POLR3B: variants seen among roughly 807,000 people sequenced by gnomAD.
POLR3B encodes the protein RNA polymerase III subunit B.
POLR3B carries 96 observed loss-of-function variants against 147.4 expected under a neutral mutation model. The ratio of observed to expected loss-of-function variants is 0.65; its 90% CI spans 0.55 to 0.77. The LOEUF is 0.77. Among genes scored for constraint, POLR3B ranks in the 30% least tolerant of loss-of-function variants. The pLI, the probability that POLR3B is intolerant of heterozygous loss-of-function variation, is 0.00. For synonymous variants in POLR3B, 461 were observed against 485.9 expected, an observed-to-expected ratio of 0.95 and a Z score of 0.67; for missense variants, 1,036 against 1,413.5, an observed-to-expected ratio of 0.73 and a Z score of 4.28.
At chr12:106,416,587 G>A (rs2037306802) in intron 12 of POLR3B, among the ~76,000 whole-genome samples, 1 of 152,146 alleles carries the variant, frequency 6.6e-6, no homozygotes, top group South Asian at 2.1e-4. Flanking sequence ...TTCAGATGTA[G>A]GTTTCAAAGT....
chr12:106,449,072 G>T (rs2037763333), intron 19 of POLR3B, among the ~76,000 whole-genome samples: 1 of 151,970 alleles, frequency 6.6e-6, no homozygotes, highest in Non-Finnish European at 1.5e-5. Context: ...TTCAGATTTT[G>T]GATTTTTTTG....
intron 9 of POLR3B, among the ~76,000 whole-genome samples, chr12:106,387,948 A>G (rs534562922): frequency 6.6e-6 from 1 of 152,320 alleles, no homozygotes; most frequent in African/African-American, 2.4e-5. Flanking sequence ...TGGGGATACC[A>G]GAAAAGACAC....
chr12:106,474,779 G>A (rs1385481483), intron 23 of POLR3B, among the ~76,000 whole-genome samples: 1 of 150,678 alleles, frequency 6.6e-6, no homozygotes, highest in Non-Finnish European at 1.5e-5. Context: ...AGTCTTGCTA[G>A]CGGTCTATCA....
intron 6 of POLR3B, among the ~76,000 whole-genome samples, chr12:106,370,631 G>GTTTTTTTTTTTTTTTTT (rs1208633414): frequency 7.9e-6 from 1 of 126,556 alleles, no homozygotes; most frequent in Non-Finnish European, 1.7e-5. Context: ...TTGTTTTATT[G>GTTTTTTTTTTTTTTTTT]TTTTTTTTTT....
chr12:106,363,882 C>G lies in POLR3B; in HGVS notation c.85C>G (p.Leu29Val), dbSNP rs779537305. Residue 29 changes from leucine (L) to valine (V), a missense_variant, in exon 2 of 28, where the codon CTG becomes GTG. Leu to Val is a conservative substitution (Grantham distance 32). Around this residue, in one of 12 missense-constraint regions of POLR3B, gnomAD observed 150 missense variants for 145.5 expected, o/e 1.03. Coordinates refer to ENST00000228347, the MANE Select transcript of POLR3B (RefSeq NM_018082.6). ...PIPTVEEKWR[L>V]LPAFLKVKGL... ...TTTTGGCTCACAGGAAAAATGGAGG[C>G]TGCTTCCAGCATTTTTAAAGGTAAT... The G allele has an allele frequency of 6.2e-7, 1 of 1,608,086 alleles. No homozygotes were observed. The highest frequency in any genetic ancestry group is 8.5e-7 in the Non-Finnish European group (1 of 1,175,032).
intron 8 of POLR3B, among the ~76,000 whole-genome samples, chr12:106,379,319 C>A (rs1461565756): frequency 6.6e-6 from 1 of 152,182 alleles, no homozygotes; most frequent in East Asian, 1.9e-4. Flanking sequence ...AATCCTAAAG[C>A]TTTGTTTTCT....
At chr12:106,404,421 C>T (rs1207689423) in intron 10 of POLR3B, among the ~76,000 whole-genome samples, 1 of 152,108 alleles carries the variant, frequency 6.6e-6, no homozygotes, top group Admixed American at 6.6e-5. Context: ...GCTTCATGTC[C>T]TCATAATATC....
At chr12:106,455,183 C>T (rs1038917369) in intron 20 of POLR3B, among the ~76,000 whole-genome samples, 5 of 152,192 alleles carry the variant, frequency 3.3e-5, no homozygotes, top group African/African-American at 7.2e-5. Context: ...TAAAAATACA[C>T]GGCCACAAAC....
rs758195793 is a variant in POLR3B at position 106,405,984 on chromosome 12, A to G, written c.966+8A>G. On this transcript the variant is annotated splice_region_variant and intron_variant, in intron 11 of 27. Coordinates refer to ENST00000228347, the MANE Select transcript of POLR3B (RefSeq NM_018082.6). Reference sequence around the variant, plus strand: ...ATTCTGACCCATGTCCCAGTGAGTAACACTTCGTTATTGTGAATAAGGACT... The same window carrying G: ...ATTCTGACCCATGTCCCAGTGAGTAGCACTTCGTTATTGTGAATAAGGACT... 5 of 1,613,552 alleles carry G rather than the reference A, an allele frequency of 3.1e-6. No homozygotes were observed. The East Asian group carries it at 1.1e-4, about 36-fold the overall frequency.
chr12:106,478,374 A>G (rs2038212751), intron 23 of POLR3B, among the ~76,000 whole-genome samples: 1 of 152,190 alleles, frequency 6.6e-6, no homozygotes, highest in Non-Finnish European at 1.5e-5. Context: ...ATTTGCAGTG[A>G]TCTGAAACAG....
At chr12:106,484,927 T>C (rs1202755459) in intron 23 of POLR3B, among the ~76,000 whole-genome samples, 2 of 152,074 alleles carry the variant, frequency 1.3e-5, no homozygotes, top group East Asian at 3.9e-4. Context: ...AGTATGAGAC[T>C]TGGGGAGTGA....
chr12:106,483,531 T>C lies in POLR3B; in HGVS notation c.2714-12524T>C, dbSNP rs960191124. 5.9e-5 allele frequency among the ~76,000 whole-genome samples: 9 copies of C among 152,180 alleles called. No individual in the cohort carries two copies. In the South Asian group the frequency reaches 6.2e-4, roughly 10 times the overall value. On this transcript the variant is annotated intron_variant, in intron 23 of 27. Transcript: ENST00000228347. ...TATATGGGAGAAACCACTAAAAATA[T>C]AGAGGTTTAGAGTTTACCATAGATA...
intron 18 of POLR3B, 74 bp from the exon 19 acceptor site, chr12:106,444,389 T>C: frequency 3.3e-6 from 5 of 1,493,934 alleles, no homozygotes; most frequent in Non-Finnish European, 3.7e-6. Flanking sequence ...GATAACAATA[T>C]TTTTGTACCC....
chr12:106,497,725 C>T (rs189680506), intron 25 of POLR3B, among the ~76,000 whole-genome samples: 1 of 152,188 alleles, frequency 6.6e-6, no homozygotes, highest in African/African-American at 2.4e-5. Flanking sequence ...CCAATAAATA[C>T]AGTAGACATG....
At chr12:106,410,407 T>C (rs766397886) in intron 11 of POLR3B, 1 of 206,894 alleles carries the variant, frequency 4.8e-6, no homozygotes, top group African/African-American at 2.3e-5. Flanking sequence ...TTCTGGACTT[T>C]AGTGTCTCAG....
chr12:106,395,035 G>C (rs549823905), intron 10 of POLR3B, among the ~76,000 whole-genome samples: 1 of 152,270 alleles, frequency 6.6e-6, no homozygotes, highest in South Asian at 2.1e-4. Context: ...CACCGAATCA[G>C]CCTGGACCAC....
At chr12:106,491,785 G>C (rs1370431728) in intron 23 of POLR3B, among the ~76,000 whole-genome samples, 3 of 152,028 alleles carry the variant, frequency 2.0e-5, no homozygotes, top group Non-Finnish European at 4.4e-5. Context: ...CTGGAGTTGG[G>C]GCCCTGAACC....
intron 23 of POLR3B, among the ~76,000 whole-genome samples, chr12:106,468,991 A>G (rs1248293034): frequency 6.6e-6 from 1 of 152,172 alleles, no homozygotes; most frequent in African/African-American, 2.4e-5. Context: ...AGTCCTGGAT[A>G]TCCTTGTTAA....
rs2037540916 is a variant in POLR3B, at chr12:106,433,824, T to A, written c.1733T>A (p.Leu578His). ...GAATTTGTTTCCATCTCAACAAATC[T>A]TACAGATCGATGTGTCTATATTTCT... Reference protein sequence around the residue: ...INEFVSISTNLTDRCVYISSD... With the variant: ...INEFVSISTNHTDRCVYISSD... The change falls in exon 16 of 28, where the codon CTT (leucine) becomes CAT (histidine). Residue 578 changes from leucine (L) to histidine (H), a missense_variant. Leu to His is a moderately conservative substitution (Grantham distance 99). Coordinates refer to ENST00000228347, the MANE Select transcript of POLR3B (RefSeq NM_018082.6). 1.2e-6 allele frequency: 2 copies of A among 1,613,410 alleles called. No homozygotes were observed. Among genetic ancestry groups the A allele is most frequent in the African/African-American group, 2.7e-5 (2 of 75,042 alleles).
Sources: gnomAD v4.1 joint callset for allele counts (sites outside exome capture counted in the v4.1 genomes callset) on GRCh38, gnomAD v4.1.1 for gene constraint, gnomAD v4.1.1 regional missense constraint, MANE v1.5 for transcripts, NCBI Gene and HGNC (gene_info 2026-07-23, HGNC 2026-07-21) for gene names.